Variants in CUX2 observed in about 807,000 individuals in gnomAD.
The protein encoded by CUX2 is cut like homeobox 2, also known as homeobox protein cut-like 2.
A neutral mutation model predicts 144.8 loss-of-function variants in CUX2; 40 were observed. The ratio of observed to expected loss-of-function variants is 0.28; its 90% CI spans 0.21 to 0.36. The LOEUF is 0.36. CUX2 is among the 10% of genes least tolerant of loss of function. The pLI is 1.00. For missense variants in CUX2, 1,615 were observed against 1,994.0 expected, an observed-to-expected ratio of 0.81 and a Z score of 3.62; for synonymous variants, 827 against 875.6, an observed-to-expected ratio of 0.94 and a Z score of 0.98.
intron 2 of CUX2, 73 bp from the exon 3 acceptor site, chr12:111,217,817 C>G (rs1881629392): frequency 6.7e-7 from 1 of 1,484,302 alleles, no homozygotes; most frequent in Non-Finnish European, 9.4e-7. Context: ...GGGACAGCAG[C>G]GAGCTACAAG....
Position 111,059,546 on chromosome 12 carries a change from T to C in CUX2, c.63+25306T>C, listed in dbSNP as rs549989962. 6.6e-6 allele frequency among the ~76,000 whole-genome samples: 1 copy of C among 152,232 alleles called. No individual in the cohort carries two copies. The highest frequency in any genetic ancestry group is 1.9e-4 in the East Asian group (1 of 5,176). ...ACCTTCCAAATGGGGCACGTGACTC[T>C]TCTGACTTTCCTAGGTCCCCCCACC... On this transcript the variant is annotated intron_variant, in intron 1 of 21. Coordinates refer to ENST00000261726, the MANE Select transcript of CUX2 (RefSeq NM_015267.4). This position sits in a 1 kb window ranked among gnomAD's most constrained non-coding sequence, Gnocchi z 5.3.
Position 111,068,480 on chromosome 12 carries a change from G to T in CUX2, c.63+34240G>T, listed in dbSNP as rs1473495258. ...ACCCGGGGTGACTGTGGAGACGCCT[G>T]CAACAGTGAGCTTTTTTATTTTTTT... On this transcript the variant is annotated intron_variant, in intron 1 of 21. Coordinates refer to ENST00000261726, the MANE Select transcript of CUX2 (RefSeq NM_015267.4). The surrounding 1 kb of genome is among the most constrained non-coding windows in gnomAD (Gnocchi z 4.9). Among the ~76,000 whole-genome samples the T allele has an allele frequency of 1.3e-5, 2 of 152,230 alleles. No individual in the cohort carries two copies. Among genetic ancestry groups the T allele is most frequent in the Admixed American group, 6.5e-5 (1 of 15,280 alleles).
At chr12:111,080,226 C>G (rs1051823114) in intron 1 of CUX2, among the ~76,000 whole-genome samples, 1 of 152,120 alleles carries the variant, frequency 6.6e-6, no homozygotes, top group Admixed American at 6.5e-5. Context: ...TCTCCAGCCA[C>G]CCTGACTAAA....
intron 1 of CUX2, among the ~76,000 whole-genome samples, chr12:111,144,311 AC>A (rs762027683): frequency 5.3e-5 from 8 of 152,034 alleles, no homozygotes; most frequent in Non-Finnish European, 7.4e-5. Flanking sequence ...ACCTTTCAGG[AC>A]CCCCAGACAC....
intron 1 of CUX2, among the ~76,000 whole-genome samples, chr12:111,060,293 C>T (rs1293876153): frequency 1.3e-5 from 2 of 152,230 alleles, no homozygotes; most frequent in African/African-American, 2.4e-5. Flanking sequence ...ACCCAGCCCT[C>T]AAATGCCTTA....
intron 1 of CUX2, among the ~76,000 whole-genome samples, chr12:111,066,353 T>C (rs1367776071): frequency 1.3e-5 from 2 of 152,266 alleles, no homozygotes; most frequent in African/African-American, 4.8e-5. Flanking sequence ...TCCATGTTAC[T>C]GGACACTGAA....
In CUX2 at chr12:111,079,590, G is replaced by C. The variant is rs561017045; in HGVS notation, c.63+45350G>C. Reference sequence around the variant, plus strand: ...TTTGTAGACTTAGTGAGACCTAGAAGAGCAAGATTTTTCCTGGCACGAGTA... The same window carrying C: ...TTTGTAGACTTAGTGAGACCTAGAACAGCAAGATTTTTCCTGGCACGAGTA... On this transcript the variant is annotated intron_variant, in intron 1 of 21. Coordinates refer to ENST00000261726, the MANE Select transcript of CUX2 (RefSeq NM_015267.4). 3.3e-5 allele frequency among the ~76,000 whole-genome samples: 5 copies of C among 152,280 alleles called. No homozygotes were observed. In the South Asian group the frequency reaches 1.0e-3, roughly 32 times the overall value.
rs569106137 is a variant in CUX2, at chr12:111,160,070, G to A, written c.64-54130G>A. 1.0e-3 allele frequency among the ~76,000 whole-genome samples: 156 copies of A among 152,248 alleles called. No homozygotes were observed. Among genetic ancestry groups the A allele is most frequent in the Non-Finnish European group, 1.9e-3 (131 of 68,012 alleles). On this transcript the variant is annotated intron_variant, in intron 1 of 21. Coordinates refer to ENST00000261726, the MANE Select transcript of CUX2 (RefSeq NM_015267.4). This position sits in a 1 kb window ranked among gnomAD's most constrained non-coding sequence, Gnocchi z 4.1. ...TACAAAAAAAGCAAAAGGAGTTAGGGGATGATTCCTTCTTTCCTTCAATAT... is the reference window on the plus strand; with the variant it reads ...TACAAAAAAAGCAAAAGGAGTTAGGAGATGATTCCTTCTTTCCTTCAATAT...
intron 1 of CUX2, among the ~76,000 whole-genome samples, chr12:111,067,331 A>C (rs1871061770): frequency 6.6e-6 from 1 of 152,156 alleles, no homozygotes; most frequent in Admixed American, 6.5e-5. Flanking sequence ...CCTATAGCTG[A>C]GACGTGGGAA....
intron 3 of CUX2, among the ~76,000 whole-genome samples, chr12:111,245,764 C>T (rs1883251520): frequency 6.6e-6 from 1 of 152,014 alleles, no homozygotes; most frequent in Non-Finnish European, 1.5e-5. Context: ...TGGGTATGCC[C>T]CACCCAAGTG....
intron 4 of CUX2, among the ~76,000 whole-genome samples, chr12:111,267,334 A>G (rs1430667213): frequency 1.3e-5 from 2 of 152,114 alleles, no homozygotes; most frequent in African/African-American, 2.4e-5. Context: ...AGCATGGGAA[A>G]GTTTGAGCGC....
rs1270601735 is a variant in CUX2, at chr12:111,034,373, C to T, written c.63+133C>T. 3 of 222,138 alleles carry T rather than the reference C, an allele frequency of 1.4e-5. No individual in the cohort carries two copies. 13.8% of individuals were successfully genotyped at this position (222,138 alleles called of 1,614,324 possible). A position where few individuals can be genotyped will look rare whatever the true frequency, so the allele number is the denominator to read the frequency against. On this transcript the variant is annotated intron_variant, in intron 1 of 21. Transcript: ENST00000261726. The surrounding 1 kb of genome is among the most constrained non-coding windows in gnomAD (Gnocchi z 4.2). ...CGGCGGCTGCCGGGGCTCGCCGGGG[C>T]TCGGCCGCCCGCTGCCCATCGATAG...
At chr12:111,213,172 G>A (rs1423519838) in intron 1 of CUX2, among the ~76,000 whole-genome samples, 3 of 152,136 alleles carry the variant, frequency 2.0e-5, no homozygotes, top group Admixed American at 6.5e-5. Context: ...AAATATAATC[G>A]GATGATATAT....
chr12:111,295,247 G>A lies in CUX2; in HGVS notation c.561-86G>A, dbSNP rs1885909292. ...GCAGGTTACAGGGAGTGGGCAAGGG[G>A]TAGGAAGCAAGATGGGGCTCGACTC... is the stretch of plus-strand genomic sequence containing the variant. On this transcript the variant is annotated intron_variant, in intron 6 of 21. Coordinates refer to ENST00000261726, the MANE Select transcript of CUX2 (RefSeq NM_015267.4). The surrounding 1 kb of genome is among the most constrained non-coding windows in gnomAD (Gnocchi z 5.0). 8.2e-7 allele frequency: 1 copy of A among 1,218,354 alleles called. No homozygotes were observed. Among genetic ancestry groups the A allele is most frequent in the South Asian group, 1.3e-5 (1 of 75,360 alleles). The allele number at this position is 1,218,354 out of a possible 1,614,324, so 75.5% of individuals were successfully genotyped here. A position where few individuals can be genotyped will look rare whatever the true frequency, so the allele number is the denominator to read the frequency against.
chr12:111,130,857 G>A (rs1165108290), intron 1 of CUX2, among the ~76,000 whole-genome samples: 3 of 152,144 alleles, frequency 2.0e-5, no homozygotes, highest in Admixed American at 1.3e-4. Flanking sequence ...TAACTCCCAG[G>A]CTGCAACATT....
chr12:111,210,111 G>C (rs990188857), intron 1 of CUX2, among the ~76,000 whole-genome samples: 5 of 152,168 alleles, frequency 3.3e-5, no homozygotes, highest in African/African-American at 4.8e-5. Flanking sequence ...TTGATTACCA[G>C]AGCTGTGTGT....
chr12:111,095,424 A>C (rs1258367402), intron 1 of CUX2, among the ~76,000 whole-genome samples: 1 of 152,006 alleles, frequency 6.6e-6, no homozygotes, highest in East Asian at 1.9e-4. Context: ...GTACCACTGC[A>C]CTCCAGTGTG....
intron 3 of CUX2, among the ~76,000 whole-genome samples, chr12:111,231,779 A>G (rs571219541): frequency 2.0e-5 from 3 of 152,346 alleles, no homozygotes; most frequent in African/African-American, 7.2e-5. Flanking sequence ...TTTACATTTT[A>G]TTAGGAATCA....
At chr12:111,139,768 A>G (rs901206217) in intron 1 of CUX2, among the ~76,000 whole-genome samples, 6 of 152,172 alleles carry the variant, frequency 3.9e-5, no homozygotes, top group Non-Finnish European at 8.8e-5. Context: ...GGCAAATAGG[A>G]TAAGCGTTCA....
Sources: allele counts gnomAD v4.1 joint callset (sites outside exome capture counted in the v4.1 genomes callset), GRCh38; gene constraint gnomAD v4.1.1; non-coding constraint Gnocchi (gnomAD v3.1); transcripts MANE v1.5; gene names NCBI Gene and HGNC (gene_info 2026-07-23, HGNC 2026-07-21).